The following DOK7 variants were observed in gnomAD, a reference collection of about 807,000 sequenced individuals.
DOK7 encodes docking protein 7.
DOK7 carries 32 observed loss-of-function variants against 30.7 expected under a neutral mutation model. The observed-to-expected ratio is 1.04, with a 90% confidence interval of 0.79 to 1.40. The LOEUF is 1.40. Ranked by LOEUF, DOK7 falls within the 40% of genes most tolerant of loss-of-function variation. The pLI is 0.00. For missense variants in DOK7, 1,007 were observed against 699.2 expected (o/e 1.44, Z -4.97); for synonymous variants, 447 against 324.1 (o/e 1.38, Z -4.07).
intron 1 of DOK7, 28 bp downstream of exon 1, chr4:3,463,457 G>GTC (rs777859905): frequency 7.0e-7 from 1 of 1,422,818 alleles, no homozygotes; most frequent in South Asian, 1.5e-5. Flanking sequence ...GCGCGGGGGG[G>GTC]GGGGGCGCGG....
chr4:3,467,459 C>CA (rs1465442715), intron 2 of DOK7, among the ~76,000 whole-genome samples: 4 of 133,796 alleles, frequency 3.0e-5, no homozygotes, highest in African/African-American at 5.4e-5. Context: ...ACCCCCCCCC[C>CA]CCACCCCAGA....
At chr4:3,484,074 C>G (rs561908568) in intron 4 of DOK7, among the ~76,000 whole-genome samples, 2 of 152,334 alleles carry the variant, frequency 1.3e-5, no homozygotes, top group East Asian at 3.9e-4. Context: ...GCACAGGGGG[C>G]CAGGGGACTT....
downstream of DOK7, chr4:3,494,544 C>G (rs1186158973): frequency 1.0e-6 from 1 of 982,272 alleles, no homozygotes; most frequent in Non-Finnish European, 1.2e-6. Context: ...CCACGTGGGG[C>G]CTCTGCCTGG....
rs61452975 is a variant in DOK7 at position 3,491,438 on chromosome 4, A to G, written c.773-1321A>G. 5.0e-5 allele frequency among the ~76,000 whole-genome samples: 5 copies of G among 100,300 alleles called. No individual in the cohort carries two copies. In the East Asian group the frequency reaches 2.3e-3, roughly 47 times the overall value. The allele number at this position is 100,300 out of a possible 152,430, so 65.8% of individuals were successfully genotyped here. A position where few individuals can be genotyped will look rare whatever the true frequency, so the allele number is the denominator to read the frequency against. On this transcript the variant is annotated intron_variant, in intron 6 of 6. Coordinates refer to ENST00000340083, the MANE Select transcript of DOK7 (RefSeq NM_173660.5). Reference sequence around the variant, plus strand: ...TCTTTCCTTCTTCCCCTGCTCATTCATTTCTTTCTTCTCTCCCTACTCAAT... The same window carrying G: ...TCTTTCCTTCTTCCCCTGCTCATTCGTTTCTTTCTTCTCTCCCTACTCAAT...
downstream of DOK7, among the ~76,000 whole-genome samples, chr4:3,497,237 C>T (rs544278914): frequency 1.3e-5 from 2 of 151,826 alleles, no homozygotes; most frequent in African/African-American, 4.8e-5. Flanking sequence ...TGGGAGGGGG[C>T]ATGGCAGGAA....
At chr4:3,498,640 G>A (rs969392586), downstream of DOK7, among the ~76,000 whole-genome samples, 1 of 150,908 alleles carries the variant, frequency 6.6e-6, no homozygotes, top group South Asian at 2.1e-4. Context: ...ACCCCCTCTT[G>A]GCCTAGCCCC....
At chr4:3,483,715 A>G (rs1173205572) in intron 4 of DOK7, among the ~76,000 whole-genome samples, 1 of 152,172 alleles carries the variant, frequency 6.6e-6, no homozygotes, top group East Asian at 1.9e-4. Flanking sequence ...TAAGCTCAGG[A>G]TTAGAGAGCC....
intron 6 of DOK7, among the ~76,000 whole-genome samples, chr4:3,491,435 TTCA>T (rs1728433357): frequency 6.7e-6 from 1 of 148,384 alleles, no homozygotes; most frequent in African/African-American, 2.5e-5. Context: ...CCCCTGCTCA[TTCA>T]TTTCTTTCTT....
intron 2 of DOK7, among the ~76,000 whole-genome samples, chr4:3,465,014 G>A (rs1726190347): frequency 6.6e-6 from 1 of 152,172 alleles, no homozygotes; most frequent in African/African-American, 2.4e-5. Context: ...GTGATGTGGG[G>A]TAGTAGAAGG....
chr4:3,466,475 C>A (rs546533549), intron 2 of DOK7, among the ~76,000 whole-genome samples: 30 of 152,344 alleles, frequency 2.0e-4, no homozygotes, highest in Middle Eastern at 3.4e-3. Context: ...CCTTCCTGAG[C>A]AGAGCCTCCT....
intron 5 of DOK7, among the ~76,000 whole-genome samples, chr4:3,486,168 G>A (rs897767578): frequency 2.0e-5 from 3 of 152,150 alleles, no homozygotes; most frequent in Non-Finnish European, 2.9e-5. Context: ...GGCTGAGGGG[G>A]TCTCGTCTTG....
In DOK7 at chr4:3,473,255, T is replaced by G. The variant is rs1726866632; in HGVS notation, c.101-151T>G. Reference sequence around the variant, plus strand: ...GGGGAGGGGATCGCCCCATTTTGTATGCCGGGAGTCGAAGCCTTGGCATGG... The same window carrying G: ...GGGGAGGGGATCGCCCCATTTTGTAGGCCGGGAGTCGAAGCCTTGGCATGG... On this transcript the variant is annotated intron_variant, in intron 2 of 6. Transcript: ENST00000340083. The G allele has an allele frequency of 4.3e-6, 3 of 693,772 alleles. No individual in the cohort carries two copies. The East Asian group carries it at 8.2e-5, about 19-fold the overall frequency. The allele number at this position is 693,772 out of a possible 1,614,324, so 43.0% of individuals were successfully genotyped here. A position where few individuals can be genotyped will look rare whatever the true frequency, so the allele number is the denominator to read the frequency against.
intron 4 of DOK7, among the ~76,000 whole-genome samples, chr4:3,480,792 T>C (rs1365692168): frequency 1.3e-5 from 2 of 151,758 alleles, no homozygotes; most frequent in Non-Finnish European, 2.9e-5. Context: ...CCTTCAGCAG[T>C]TTCTCATTGC....
rs778823411 is a variant in DOK7, at chr4:3,489,805, G to A, written c.772+9G>A. 31 of 1,568,890 alleles carry A rather than the reference G, an allele frequency of 2.0e-5. No individual in the cohort carries two copies. The highest frequency in any genetic ancestry group is 1.7e-4 in the Middle Eastern group (1 of 6,024). ...CAGGCCGGGCAGTGGAGGTAGGGCC[G>A]GGGGCTGACCTGGGCTGTGGGACCT... is the stretch of plus-strand genomic sequence containing the variant. On this transcript the variant is annotated intron_variant, in intron 6 of 6. Coordinates refer to ENST00000340083, the MANE Select transcript of DOK7 (RefSeq NM_173660.5).
intron 2 of DOK7, among the ~76,000 whole-genome samples, 180 bp downstream of exon 2, chr4:3,463,731 C>T (rs1490026240): frequency 6.6e-6 from 1 of 152,200 alleles, no homozygotes; most frequent in Non-Finnish European, 1.5e-5. Context: ...GGGCCCTGGA[C>T]GGAAGAACCC....
intron 4 of DOK7, among the ~76,000 whole-genome samples, chr4:3,479,420 A>G (rs148218696): frequency 1.3e-5 from 2 of 152,238 alleles, no homozygotes; most frequent in South Asian, 2.1e-4. Context: ...GGACGGAGAA[A>G]TATCCAGAAT....
chr4:3,492,518 G>T (rs192727946), intron 6 of DOK7, among the ~76,000 whole-genome samples: 3 of 152,118 alleles, frequency 2.0e-5, no homozygotes, highest in African/African-American at 7.2e-5. Context: ...AGGGAGGGGC[G>T]CAGGCCGTAG....
chr4:3,472,715 G>A (rs529060199), intron 2 of DOK7, among the ~76,000 whole-genome samples: 1 of 152,360 alleles, frequency 6.6e-6, no homozygotes, highest in African/African-American at 2.4e-5. Flanking sequence ...TGGAAAATGG[G>A]AAGGTGGGGG....
At chr4:3,489,592 CACT>C in intron 5 of DOK7, 82 bp from the exon 6 acceptor site, 1 of 1,546,892 alleles carries the variant, frequency 6.5e-7, no homozygotes, top group Non-Finnish European at 8.7e-7. Context: ...GGGGGATAAC[CACT>C]GAGTCAGGCT....
Sources: allele counts gnomAD v4.1 joint callset (sites outside exome capture counted in the v4.1 genomes callset), GRCh38; gene constraint gnomAD v4.1.1; transcripts MANE v1.5; gene names NCBI Gene and HGNC (gene_info 2026-07-23, HGNC 2026-07-21).